Variants in CNTROB observed in about 807,000 individuals in gnomAD.
The protein encoded by CNTROB is centrobin, centriole duplication and spindle assembly protein, also known as centrobin.
Under a neutral mutation model 115.7 loss-of-function variants are expected in CNTROB, and 82 were observed. The ratio of observed to expected loss-of-function variants is 0.71; its 90% CI spans 0.59 to 0.85. The LOEUF (loss-of-function observed/expected upper bound fraction) is 0.85, where lower values mean the gene tolerates loss of function less well. Ranked by LOEUF, CNTROB falls within the 40% of genes least tolerant of loss-of-function variation. The probability of loss-of-function intolerance (pLI) is 0.00; values close to 1 mark genes in which losing one functional copy is unlikely to be tolerated. For missense variants in CNTROB, 1,014 were observed against 1,144.4 expected (o/e 0.89, Z 1.64); for synonymous variants, 439 against 456.4 (o/e 0.96, Z 0.49).
At position 7,943,658 on chromosome 17, in the gene CNTROB, G is replaced by A. The variant is rs190313985; in HGVS notation, c.1445+134G>A. On this transcript the variant is annotated intron_variant, in intron 10 of 18. Coordinates refer to ENST00000563694, the MANE Select transcript of CNTROB (RefSeq NM_053051.5). The surrounding 1 kb of genome is among the most constrained non-coding windows in gnomAD (Gnocchi z 4.7). ...AGGGTGCGCTAACTCCCATCAGCTG[G>A]GACCTGAGTCTCTCTCGGGAGGGCT... 1.0e-4 allele frequency: 99 copies of A among 944,564 alleles called. 1 individual carries two copies. The East Asian group carries it at 2.6e-3, about 24-fold the overall frequency. 58.5% of individuals were successfully genotyped at this position (944,564 alleles called of 1,614,324 possible).
In CNTROB at chr17:7,948,778, C is replaced by T; in HGVS notation, c.2513+159C>T. The stretch of plus-strand genomic sequence containing the variant: ...CCACAGATCTTCTCTAACTGCCCCA[C>T]ACTTTTCTTTTATCTCCTCCTTTCT... On this transcript the variant is annotated intron_variant, in intron 17 of 18. Transcript: ENST00000563694. This position sits in a 1 kb window ranked among gnomAD's most constrained non-coding sequence, Gnocchi z 4.4. The T allele has an allele frequency of 1.9e-6, 3 of 1,553,480 alleles. No homozygotes were observed. In the South Asian group the frequency reaches 3.6e-5, roughly 18 times the overall value.
chr17:7,936,355 C>A lies in CNTROB; in HGVS notation c.595-11C>A. ...ATGGGCAACACCCAGACTCCTCACC[C>A]TTTTCCCCAGCATTGTGAGCGCCAT... is the stretch of plus-strand genomic sequence containing the variant. On this transcript the variant is annotated splice_polypyrimidine_tract_variant and intron_variant, in intron 4 of 18. Coordinates refer to ENST00000563694, the MANE Select transcript of CNTROB (RefSeq NM_053051.5). 2 of 1,162,110 alleles carry A rather than the reference C, an allele frequency of 1.7e-6. No individual in the cohort carries two copies. The highest frequency in any genetic ancestry group is 2.6e-6 in the Non-Finnish European group (2 of 767,442). The allele number at this position is 1,162,110 out of a possible 1,614,324, so 72.0% of individuals were successfully genotyped here.
At position 7,948,368 on chromosome 17, in the gene CNTROB, G is replaced by A; in HGVS notation, c.2380+41G>A. The A allele has an allele frequency of 6.2e-7, 1 of 1,611,520 alleles. No individual in the cohort carries two copies. The highest frequency in any genetic ancestry group is 1.1e-5 in the South Asian group (1 of 91,014). ...TTTATTAGGGAAAAAAGGAGGGACA[G>A]TCCTGAGTGTGGATCCAGTACAGGC... On this transcript the variant is annotated intron_variant, in intron 16 of 18. Transcript: ENST00000563694. This position sits in a 1 kb window ranked among gnomAD's most constrained non-coding sequence, Gnocchi z 4.4.
chr17:7,939,837 G>T lies in CNTROB; in HGVS notation c.1164+88G>T. On this transcript the variant is annotated intron_variant, in intron 8 of 18. Coordinates refer to ENST00000563694, the MANE Select transcript of CNTROB (RefSeq NM_053051.5). The surrounding 1 kb of genome is among the most constrained non-coding windows in gnomAD (Gnocchi z 4.4). ...TGGGATGGAATGTTAGAATATGGGG[G>T]ATACATATAGGCAGGAATGGAGAGT... The T allele has an allele frequency of 7.7e-7, 1 of 1,290,554 alleles. No homozygotes were observed. Among genetic ancestry groups the T allele is most frequent in the Non-Finnish European group, 1.1e-6 (1 of 900,140 alleles). The allele number at this position is 1,290,554 out of a possible 1,614,324, so 79.9% of individuals were successfully genotyped here.
At chr17:7,935,253 C>CGG (rs1973019890) in intron 4 of CNTROB, 108 bp downstream of exon 4, 1 of 1,549,136 alleles carries the variant, frequency 6.5e-7, no homozygotes, top group Non-Finnish European at 8.8e-7. Flanking sequence ...CCTGTAATCA[C>CGG]AGCACTTTGG....
Position 7,944,336 on chromosome 17 carries a change from T to C in CNTROB, c.1571+88T>C. ...TGGGAACGGTGAAGAGCTGCTCCCT[T>C]GATTGATCTGTCCTCCTCTACATGG... On this transcript the variant is annotated intron_variant, in intron 11 of 18. Coordinates refer to ENST00000563694, the MANE Select transcript of CNTROB (RefSeq NM_053051.5). This position sits in a 1 kb window ranked among gnomAD's most constrained non-coding sequence, Gnocchi z 4.0. 6.5e-7 allele frequency: 1 copy of C among 1,549,224 alleles called. No homozygotes were observed. Among genetic ancestry groups the C allele is most frequent in the Non-Finnish European group, 8.9e-7 (1 of 1,121,530 alleles).
intron 17 of CNTROB, 26 bp from the exon 18 acceptor site, chr17:7,949,059 C>A: frequency 6.2e-7 from 1 of 1,612,962 alleles, no homozygotes; most frequent in Non-Finnish European, 8.5e-7. Context: ...AGATCCCCAT[C>A]CTCATACCTT....
rs1972860987 is a variant in CNTROB, at chr17:7,934,142, G to A, written c.275G>A (p.Gly92Asp). The change falls in exon 2 of 19, where the codon GGT becomes GAT. Residue 92 changes from glycine to aspartate, a missense_variant. By Grantham distance (94) the Gly-to-Asp change is moderately conservative. Coordinates refer to ENST00000563694, the MANE Select transcript of CNTROB (RefSeq NM_053051.5). Reference protein sequence around the residue: ...GLEKNLKKKDGSKHIFEMESV... With the variant: ...GLEKNLKKKDDSKHIFEMESV... The stretch of plus-strand genomic sequence containing the variant: ...TTCCATGTGGCTTTTTTCCAGGATG[G>A]TTCTAAGCATATCTTTGAGATGGAA... 2 of 1,614,046 alleles carry A rather than the reference G, an allele frequency of 1.2e-6. No individual in the cohort carries two copies. Among genetic ancestry groups the A allele is most frequent in the Non-Finnish European group, 1.7e-6 (2 of 1,179,940 alleles).
In CNTROB at chr17:7,947,625, C is replaced by T. The variant is rs1567937935; in HGVS notation, c.2048C>T (p.Pro683Leu). The T allele has an allele frequency of 1.2e-6, 2 of 1,613,786 alleles. No homozygotes were observed. Among genetic ancestry groups the T allele is most frequent in the Middle Eastern group, 1.7e-4 (1 of 6,060 alleles). The stretch of plus-strand genomic sequence containing the variant: ...CATCCCGATCATAGGGCAGAAAGGC[C>T]ATTCCCTGAGGAAGATCCTGGACCT... ...AFHPDHRAER[P>L]FPEEDPGPDG... The change falls in exon 14 of 19, where the codon CCA becomes CTA. Residue 683 changes from proline to leucine, a missense_variant. By Grantham distance (98) the Pro-to-Leu change is moderately conservative (BLOSUM62 -3). Coordinates refer to ENST00000563694, the MANE Select transcript of CNTROB (RefSeq NM_053051.5).
chr17:7,949,518 T>G lies in CNTROB; in HGVS notation c.*8T>G. 6.2e-7 allele frequency: 1 copy of G among 1,602,262 alleles called. No homozygotes were observed. The highest frequency in any genetic ancestry group is 1.1e-5 in the South Asian group (1 of 89,816). On this transcript the variant is annotated 3_prime_UTR_variant, in exon 19 of 19. Transcript: ENST00000563694. ...GGGGGAGTCTGGAGATGAGCCCCCCTACCCTCTCTCCTCTTTGTTCTCTCA... is the reference window on the plus strand; with the variant it reads ...GGGGGAGTCTGGAGATGAGCCCCCCGACCCTCTCTCCTCTTTGTTCTCTCA...
intron 9 of CNTROB, among the ~76,000 whole-genome samples, chr17:7,942,060 A>G (rs1973945548): frequency 6.6e-6 from 1 of 151,772 alleles, no homozygotes; most frequent in East Asian, 1.9e-4. Context: ...TGAGTCCAAG[A>G]GTTTGAGACC....
chr17:7,938,570 C>T (rs575633986), intron 7 of CNTROB, among the ~76,000 whole-genome samples: 3 of 152,224 alleles, frequency 2.0e-5, no homozygotes, highest in Admixed American at 6.5e-5. Context: ...TGCCTGATGC[C>T]GTGCTAAATG....
At position 7,947,596 on chromosome 17, in the gene CNTROB, C is replaced by T. The variant is rs746488083; in HGVS notation, c.2019C>T (p.Ala673=). 6.2e-7 allele frequency: 1 copy of T among 1,611,722 alleles called. No homozygotes were observed. The highest frequency in any genetic ancestry group is 8.5e-7 in the Non-Finnish European group (1 of 1,178,190). ...CTGGGGCCTTCTCTGCACTTGGGGC[C>T]TTCCATCCCGATCATAGGGCAGAAA... ...STAGAFSALG[A]FHPDHRAERP... Residue 673 remains alanine, a synonymous_variant, in exon 14 of 19, where the codon GCC becomes GCT. Transcript: ENST00000563694.
At position 7,949,470 on chromosome 17, in the gene CNTROB, C is replaced by T. The variant is rs554262834; in HGVS notation, c.2672C>T (p.Ala891Val). The change falls in exon 19 of 19, where the codon GCC (alanine) becomes GTC (valine). Residue 891 changes from alanine to valine, a missense_variant. Transcript: ENST00000563694. The part of the protein sequence containing the change: ...PPARKKSGHP[A>V]PSSMRSRGGV... ...GCACGGAAGAAAAGTGGGCACCCTGCCCCGAGTAGCATGAGGAGCCGGGGG... is the reference window on the plus strand; with the variant it reads ...GCACGGAAGAAAAGTGGGCACCCTGTCCCGAGTAGCATGAGGAGCCGGGGG... 1.2e-6 allele frequency: 2 copies of T among 1,614,130 alleles called. No individual in the cohort carries two copies. The highest frequency in any genetic ancestry group is 1.3e-5 in the African/African-American group (1 of 75,034).
chr17:7,932,746 A>G lies in CNTROB; in HGVS notation c.-334A>G, dbSNP rs924689345. On this transcript the variant is annotated 5_prime_UTR_variant, in exon 1 of 19. Coordinates refer to ENST00000563694, the MANE Select transcript of CNTROB (RefSeq NM_053051.5). ...ATAGCCTGTGCCGGAGTTGATCTGC[A>G]GCTTCCAGCACTCGTAGTCGGGAAG... The G allele has an allele frequency of 1.1e-5, 3 of 277,082 alleles. No individual in the cohort carries two copies. Among genetic ancestry groups the G allele is most frequent in the African/African-American group, 6.6e-5 (3 of 45,118 alleles). The allele number at this position is 277,082 out of a possible 1,614,324, so 17.2% of individuals were successfully genotyped here. A position where few individuals can be genotyped will look rare whatever the true frequency, so the allele number is the denominator to read the frequency against.
chr17:7,932,777 C>A lies in CNTROB; in HGVS notation c.-303C>A, dbSNP rs116939285. 289 of 331,346 alleles carry A rather than the reference C, an allele frequency of 8.7e-4. 3 individuals are homozygous for A. The East Asian group carries it at 0.011, about 13-fold the overall frequency. The allele number at this position is 331,346 out of a possible 1,614,324, so 20.5% of individuals were successfully genotyped here. ...CAGCACTCGTAGTCGGGAAGAGGAG[C>A]TTCAGCAGCGCTGTTGTCCCACAGT... On this transcript the variant is annotated 5_prime_UTR_variant, in exon 1 of 19. Coordinates refer to ENST00000563694, the MANE Select transcript of CNTROB (RefSeq NM_053051.5).
In CNTROB at chr17:7,942,787, A is replaced by ATTTTTTTTTTTT. The variant is rs71159534; in HGVS notation, c.1312-583_1312-572dup. On this transcript the variant is annotated intron_variant, in intron 9 of 18. Transcript: ENST00000563694. ...GGCTTTCAGGTACTCTACTCAGGGT[A>ATTTTTTTTTTTT]TTTTTTTTTTTTTTTTTTTTTTTTT... is the stretch of plus-strand genomic sequence containing the variant. Among the ~76,000 whole-genome samples, 6 of 35,790 alleles carry ATTTTTTTTTTTT rather than the reference A, an allele frequency of 1.7e-4. 1 individual carries two copies. Among genetic ancestry groups the ATTTTTTTTTTTT allele is most frequent in the Non-Finnish European group, 2.0e-4 (4 of 19,982 alleles). The allele number at this position is 35,790 out of a possible 152,430, so 23.5% of individuals were successfully genotyped here.
In CNTROB at chr17:7,933,330, A is replaced by T; in HGVS notation, c.251A>T (p.Glu84Val). Reference protein sequence around the residue: ...ELSRSLSVGLEKNLKKKDGSK... With the variant: ...ELSRSLSVGLVKNLKKKDGSK... ...AGTCGAAGCTTGTCAGTCGGATTGGAAAAGAACTTGAAGAAAAAGGTGAGG... is the reference window on the plus strand; with the variant it reads ...AGTCGAAGCTTGTCAGTCGGATTGGTAAAGAACTTGAAGAAAAAGGTGAGG... The change falls in exon 1 of 19, where the codon GAA becomes GTA. Residue 84 changes from glutamate (E) to valine (V), a missense_variant. Coordinates refer to ENST00000563694, the MANE Select transcript of CNTROB (RefSeq NM_053051.5). 6.2e-7 allele frequency: 1 copy of T among 1,613,470 alleles called. No homozygotes were observed. The highest frequency in any genetic ancestry group is 2.2e-5 in the East Asian group (1 of 44,870).
At chr17:7,949,178 G>C (rs1974916483) in intron 18 of CNTROB, 21 bp downstream of exon 18, 1 of 1,611,906 alleles carries the variant, frequency 6.2e-7, no homozygotes, top group Non-Finnish European at 8.5e-7. Context: ...GTCAGGCAGG[G>C]ACCAGGGGAG....
Sources: allele counts gnomAD v4.1 joint callset (sites outside exome capture counted in the v4.1 genomes callset), GRCh38; gene constraint gnomAD v4.1.1; non-coding constraint Gnocchi (gnomAD v3.1); transcripts MANE v1.5; gene names NCBI Gene and HGNC (gene_info 2026-07-23, HGNC 2026-07-21).